The following MACF1 variants were observed in gnomAD, a reference collection of about 807,000 sequenced individuals.
MACF1 encodes microtubule actin crosslinking factor 1, also known as microtubule-actin cross-linking factor 1.
Under a neutral mutation model 854.8 loss-of-function variants are expected in MACF1, and 193 were observed. The observed-to-expected ratio is 0.23, with a 90% CI of 0.20 to 0.25. The LOEUF is 0.25. Among genes scored for constraint, MACF1 ranks in the 10% least tolerant of loss-of-function variants. MACF1 has a pLI of 1.00. For synonymous variants in MACF1, 3,185 were observed against 3,226.7 expected, an observed-to-expected ratio of 0.99 and a Z score of 0.44; for missense variants, 7,722 against 8,929.1, an observed-to-expected ratio of 0.86 and a Z score of 5.45.
intron 2 of MACF1, among the ~76,000 whole-genome samples, chr1:39,116,153 T>C (rs1023945342): frequency 6.6e-6 from 1 of 152,136 alleles, no homozygotes; most frequent in African/African-American, 2.4e-5. Flanking sequence ...AAGGAAGATA[T>C]AATACAATTC....
rs1647070233 is a variant in MACF1 at position 39,347,148 on chromosome 1, G to A, written c.10753G>A (p.Ala3585Thr). Residue 3585 changes from alanine (A) to threonine (T), a missense_variant, in exon 41 of 101, where the codon GCC (alanine) becomes ACC (threonine). Around this residue, in one of 15 missense-constraint regions of MACF1, gnomAD observed 854 missense variants for 852.6 expected, o/e 1.00. Coordinates refer to ENST00000564288, the MANE Select transcript of MACF1 (RefSeq NM_001394062.1). ...RSFQDILEQT[A>T]AQVDALQGHL... is the part of the protein sequence containing the mutation. ...CTTCCAGGACATTTTGGAACAGACT[G>A]CCGCTCAGGTGGATGCCTTGCAGGG... The A allele has an allele frequency of 1.2e-6, 2 of 1,614,034 alleles. No individual in the cohort carries two copies. The highest frequency in any genetic ancestry group is 8.5e-7 in the Non-Finnish European group (1 of 1,180,026).
chr1:39,313,478 A>G (rs886623358), intron 26 of MACF1, among the ~76,000 whole-genome samples: 2 of 152,142 alleles, frequency 1.3e-5, no homozygotes, highest in Non-Finnish European at 2.9e-5. Context: ...CATAAAAAAC[A>G]TGTACATTCT....
intron 58 of MACF1, chr1:39,411,468 G>C (rs1357471697): frequency 2.5e-6 from 4 of 1,613,780 alleles, no homozygotes. Context: ...ATGACCCACA[G>C]CCAGCCAAGG....
At chr1:39,093,105 T>G (rs1168537359) in intron 2 of MACF1, among the ~76,000 whole-genome samples, 2 of 151,826 alleles carry the variant, frequency 1.3e-5, no homozygotes, top group Non-Finnish European at 2.9e-5. Flanking sequence ...TTCCATTCTC[T>G]TACTCAACAA....
chr1:39,186,414 G>A (rs568711847), intron 2 of MACF1, among the ~76,000 whole-genome samples: 9 of 151,456 alleles, frequency 5.9e-5, no homozygotes, highest in African/African-American at 9.7e-5. Context: ...TTACAGGCAC[G>A]CGCCACCACG....
At chr1:39,373,170 G>A (rs1047050201) in intron 52 of MACF1, 1 of 155,602 alleles carries the variant, frequency 6.4e-6, no homozygotes, top group African/African-American at 2.4e-5. Flanking sequence ...GCCAGGCATG[G>A]TGGCGGGTGC....
At chr1:39,394,320 A>G (rs1642189552) in intron 58 of MACF1, among the ~76,000 whole-genome samples, 1 of 152,184 alleles carries the variant, frequency 6.6e-6, no homozygotes, top group Admixed American at 6.5e-5. Flanking sequence ...TCATGTGCAC[A>G]TGAGAAAAGC....
At chr1:39,302,593 A>G (rs1646072148) in intron 22 of MACF1, among the ~76,000 whole-genome samples, 1 of 152,206 alleles carries the variant, frequency 6.6e-6, no homozygotes, top group Non-Finnish European at 1.5e-5. Context: ...TTCACCTTCC[A>G]TTAGTTTTTA....
chr1:39,453,856 T>A lies in MACF1; in HGVS notation c.20886+6T>A. 1 of 1,614,098 alleles carries A rather than the reference T, an allele frequency of 6.2e-7. No homozygotes were observed. Among genetic ancestry groups the A allele is most frequent in the Non-Finnish European group, 8.5e-7 (1 of 1,179,992 alleles). On this transcript the variant is annotated splice_donor_region_variant and intron_variant, in intron 88 of 100. Transcript: ENST00000564288. ...TCCGAGCTCGCTTCGAGGAGGTGAGTCCCTGGTTCAGAGGAGGACTGCACA... is the reference window on the plus strand; with the variant it reads ...TCCGAGCTCGCTTCGAGGAGGTGAGACCCTGGTTCAGAGGAGGACTGCACA...
intron 2 of MACF1, among the ~76,000 whole-genome samples, chr1:39,157,213 G>A (rs546421622): frequency 1.3e-5 from 2 of 152,084 alleles, no homozygotes; most frequent in Non-Finnish European, 2.9e-5. Context: ...CAAGCAGTCC[G>A]CCCACCTTAC....
intron 2 of MACF1, among the ~76,000 whole-genome samples, chr1:39,139,427 T>G (rs1464145316): frequency 6.6e-6 from 1 of 152,092 alleles, no homozygotes. Flanking sequence ...CAGCTAATTT[T>G]TGTATTTTTA....
At chr1:39,412,229 C>T in intron 58 of MACF1, 2 of 1,613,930 alleles carry the variant, frequency 1.2e-6, no homozygotes, top group African/African-American at 1.3e-5. Flanking sequence ...TTCAGTTTTG[C>T]TTTTAATCAT....
intron 1 of MACF1, among the ~76,000 whole-genome samples, chr1:39,211,418 T>A (rs1031987142): frequency 3.3e-5 from 5 of 152,136 alleles, no homozygotes; most frequent in Non-Finnish European, 5.9e-5. Context: ...CCTTATTTTT[T>A]AATTTTTTAA....
chr1:39,419,091 T>C (rs999762617), intron 58 of MACF1, among the ~76,000 whole-genome samples: 2 of 152,238 alleles, frequency 1.3e-5, no homozygotes, highest in African/African-American at 4.8e-5. Flanking sequence ...CTAAAAGCAC[T>C]GGTTTTGCAA....
intron 42 of MACF1, among the ~76,000 whole-genome samples, chr1:39,350,347 A>G (rs571112799): frequency 2.0e-5 from 3 of 152,288 alleles, no homozygotes; most frequent in African/African-American, 7.2e-5. Flanking sequence ...ACTGCAAAAA[A>G]CAAGAGGAAA....
intron 2 of MACF1, among the ~76,000 whole-genome samples, chr1:39,175,440 A>G (rs967828385): frequency 1.3e-5 from 2 of 152,218 alleles, no homozygotes; most frequent in Non-Finnish European, 1.5e-5. Flanking sequence ...TAGACATGCT[A>G]AAGTCTCAGA....
At chr1:39,138,423 A>T (rs1208632233) in intron 2 of MACF1, among the ~76,000 whole-genome samples, 1 of 134,594 alleles carries the variant, frequency 7.4e-6, no homozygotes. Context: ...CTCTACCAAA[A>T]ATACAAAAAA....
intron 2 of MACF1, among the ~76,000 whole-genome samples, chr1:39,135,020 A>G (rs906339753): frequency 2.6e-5 from 4 of 152,320 alleles, no homozygotes; most frequent in African/African-American, 7.2e-5. Flanking sequence ...TGTACTTCAT[A>G]TAAGTGGAAT....
chr1:39,438,743 A>C (rs906103652), intron 71 of MACF1, among the ~76,000 whole-genome samples: 2 of 151,634 alleles, frequency 1.3e-5, no homozygotes, highest in Non-Finnish European at 2.9e-5. Flanking sequence ...ACACCACTGC[A>C]CTCCAGCCTG....
Sources: gnomAD v4.1 joint callset for allele counts (sites outside exome capture counted in the v4.1 genomes callset) on GRCh38, gnomAD v4.1.1 for gene constraint, gnomAD v4.1.1 regional missense constraint, MANE v1.5 for transcripts, NCBI Gene and HGNC (gene_info 2026-07-23, HGNC 2026-07-21) for gene names.